FAF1: variants seen among roughly 807,000 people sequenced by gnomAD.
FAF1 encodes the protein FAS-associated factor 1.
FAF1 carries 25 observed loss-of-function variants against 92.5 expected under a neutral mutation model. The ratio of observed to expected loss-of-function variants is 0.27; its 90% CI spans 0.20 to 0.38. FAF1 has a LOEUF of 0.38. Ranked by LOEUF, FAF1 falls within the 10% of genes least tolerant of loss-of-function variation. The probability of loss-of-function intolerance (pLI) is 1.00; values close to 1 mark genes in which losing one functional copy is unlikely to be tolerated. For missense variants in FAF1, 636 were observed against 793.3 expected (o/e 0.80, Z 2.38); for synonymous variants, 234 against 273.2 (o/e 0.86, Z 1.42).
intron 9 of FAF1, among the ~76,000 whole-genome samples, chr1:50,591,679 A>G (rs1572855065): frequency 6.6e-6 from 1 of 151,554 alleles, no homozygotes; most frequent in East Asian, 1.9e-4. Flanking sequence ...TCTCAGAAAA[A>G]AAAAAAAAAA....
At chr1:50,622,109 G>A (rs1318845185) in intron 8 of FAF1, among the ~76,000 whole-genome samples, 1 of 148,738 alleles carries the variant, frequency 6.7e-6, no homozygotes, top group Admixed American at 6.8e-5. Context: ...AGGTTGCAGT[G>A]AGCCGAGATT....
chr1:50,548,653 A>G (rs1207993586), intron 13 of FAF1, among the ~76,000 whole-genome samples: 1 of 152,356 alleles, frequency 6.6e-6, no homozygotes, highest in Non-Finnish European at 1.5e-5. Context: ...GTTGGTCCAC[A>G]AGTTTATGAT....
At chr1:50,664,788 C>T (rs1224487719) in intron 7 of FAF1, among the ~76,000 whole-genome samples, 4 of 138,322 alleles carry the variant, frequency 2.9e-5, no homozygotes, top group Admixed American at 7.1e-5. Flanking sequence ...AGCGAGACTC[C>T]GTCTCAAATA....
Position 50,926,686 on chromosome 1 carries a change from A to C in FAF1, c.45+33081T>G, listed in dbSNP as rs576571636. On this transcript the variant is annotated intron_variant, in intron 1 of 18. Transcript: ENST00000396153. ...TATGAAAACATCAGTTGTATCCCAT[A>C]AGTATACACAATTATTACATGTAAA... 9.2e-5 allele frequency among the ~76,000 whole-genome samples: 14 copies of C among 152,344 alleles called. No individual in the cohort carries two copies. In the South Asian group the frequency reaches 2.9e-3, roughly 32 times the overall value.
Position 50,456,503 on chromosome 1 carries a change from C to T in FAF1, c.1870-14980G>A, listed in dbSNP as rs189737109. On this transcript the variant is annotated intron_variant, in intron 18 of 18. Transcript: ENST00000396153. ...TCACTATAATGTGGCCTCTCACTTGCCTGTCCTCAAGCTATGAAGATACCA... is the reference window on the plus strand; with the variant it reads ...TCACTATAATGTGGCCTCTCACTTGTCTGTCCTCAAGCTATGAAGATACCA... 8.3e-4 allele frequency among the ~76,000 whole-genome samples: 127 copies of T among 152,218 alleles called. 1 individual carries two copies. The highest frequency in any genetic ancestry group is 2.9e-3 in the African/African-American group (122 of 41,532).
At chr1:50,613,193 A>G (rs1370927947) in intron 8 of FAF1, among the ~76,000 whole-genome samples, 1 of 152,226 alleles carries the variant, frequency 6.6e-6, no homozygotes, top group Non-Finnish European at 1.5e-5. Context: ...AAAGTGAGAT[A>G]AACACTAAAA....
At chr1:50,617,255 A>G (rs1174462172) in intron 8 of FAF1, among the ~76,000 whole-genome samples, 4 of 152,156 alleles carry the variant, frequency 2.6e-5, no homozygotes, top group Non-Finnish European at 4.4e-5. Flanking sequence ...TTGTCCATTC[A>G]GTATAATGTT....
intron 18 of FAF1, among the ~76,000 whole-genome samples, chr1:50,474,191 C>CA (rs916936595): frequency 3.9e-5 from 6 of 152,178 alleles, no homozygotes; most frequent in African/African-American, 1.4e-4. Flanking sequence ...CCTGCAGCCT[C>CA]AAAAAATCAG....
chr1:50,944,212 G>A (rs1645156475), intron 1 of FAF1, among the ~76,000 whole-genome samples: 1 of 152,188 alleles, frequency 6.6e-6, no homozygotes, highest in Admixed American at 6.5e-5. Flanking sequence ...TAAGTTTACA[G>A]GGAATGACAA....
At chr1:50,915,145 C>A (rs576707644) in intron 1 of FAF1, among the ~76,000 whole-genome samples, 1 of 152,174 alleles carries the variant, frequency 6.6e-6, no homozygotes, top group African/African-American at 2.4e-5. Context: ...CTGAGGCGGA[C>A]AGATCACCTG....
At chr1:50,892,487 G>T (rs112143246) in intron 1 of FAF1, among the ~76,000 whole-genome samples, 1 of 152,154 alleles carries the variant, frequency 6.6e-6, no homozygotes, top group East Asian at 1.9e-4. Context: ...TCTTGGAACC[G>T]CCTCCCTTCA....
chr1:50,837,998 C>T (rs1173561040), intron 2 of FAF1, among the ~76,000 whole-genome samples: 1 of 152,166 alleles, frequency 6.6e-6, no homozygotes, highest in African/African-American at 2.4e-5. Flanking sequence ...CCGCCTCGGC[C>T]TCCCAAAGTG....
chr1:50,634,536 T>C (rs2124219062), intron 8 of FAF1, among the ~76,000 whole-genome samples: 1 of 152,306 alleles, frequency 6.6e-6, no homozygotes, highest in South Asian at 2.1e-4. Flanking sequence ...ATAAACAACT[T>C]TCCATTTTTC....
At chr1:50,627,157 T>C (rs12120719) in intron 8 of FAF1, among the ~76,000 whole-genome samples, 17,530 of 152,110 alleles carry the variant, frequency 0.12, 1,146 homozygotes, top group African/African-American at 0.18. Context: ...AAATATAAAT[T>C]TGTTAACAAT....
intron 8 of FAF1, among the ~76,000 whole-genome samples, chr1:50,651,159 G>A (rs1328230271): frequency 6.6e-6 from 1 of 152,142 alleles, no homozygotes; most frequent in Non-Finnish European, 1.5e-5. Flanking sequence ...CTCCTGTTGG[G>A]TGAGTCAAAG....
chr1:50,622,501 G>T (rs912115350), intron 8 of FAF1, among the ~76,000 whole-genome samples: 2 of 152,156 alleles, frequency 1.3e-5, no homozygotes, highest in Admixed American at 6.5e-5. Flanking sequence ...CTTCCAGGCC[G>T]CATTTAGTTA....
chr1:50,442,179 C>T (rs1646176287), intron 18 of FAF1, among the ~76,000 whole-genome samples: 1 of 152,008 alleles, frequency 6.6e-6, no homozygotes, highest in Non-Finnish European at 1.5e-5. Context: ...TACAGGGATC[C>T]TAAATTAGGT....
At chr1:50,622,340 C>T (rs1444432099) in intron 8 of FAF1, among the ~76,000 whole-genome samples, 3 of 152,138 alleles carry the variant, frequency 2.0e-5, no homozygotes, top group Non-Finnish European at 4.4e-5. Context: ...CTAGCACCAG[C>T]ATTCAGATAC....
chr1:50,602,325 C>T (rs571446491), intron 8 of FAF1, among the ~76,000 whole-genome samples: 67 of 152,226 alleles, frequency 4.4e-4, no homozygotes, highest in Non-Finnish European at 8.5e-4. Context: ...GGAATGCTAC[C>T]GGATATTAGC....
Sources: gnomAD v4.1 joint callset for allele counts (sites outside exome capture counted in the v4.1 genomes callset) on GRCh38, gnomAD v4.1.1 for gene constraint, MANE v1.5 for transcripts, NCBI Gene and HGNC (gene_info 2026-07-23, HGNC 2026-07-21) for gene names.